The following GPR139 variants were observed in gnomAD, a reference collection of about 807,000 sequenced individuals.
The protein encoded by GPR139 is probable G protein-coupled receptor 139.
In GPR139, 12 loss-of-function variants were observed where a neutral mutation model predicts 25.8. That is an observed-to-expected ratio of 0.47 (90% CI 0.30 to 0.75). GPR139 has a LOEUF of 0.75. GPR139 is among the 30% of genes least tolerant of loss of function. The pLI, the probability that GPR139 is intolerant of heterozygous loss-of-function variation, is 0.07. For missense variants in GPR139, 380 were observed against 450.2 expected (o/e 0.84, Z 1.41); for synonymous variants, 184 against 179.9 (o/e 1.02, Z -0.18).
At position 20,032,374 on chromosome 16, in the gene GPR139, G is replaced by A. The variant is rs1346294898; in HGVS notation, c.423C>T (p.Tyr141=). The A allele has an allele frequency of 3.7e-6, 6 of 1,614,198 alleles. No homozygotes were observed. The highest frequency in any genetic ancestry group is 1.7e-6 in the Non-Finnish European group (2 of 1,180,034). Residue 141 remains tyrosine (Y), a synonymous_variant, in exon 2 of 2, where the codon TAC becomes TAT. Coordinates refer to ENST00000570682, the MANE Select transcript of GPR139 (RefSeq NM_001002911.4). ...CAATGACTTTCCGGGTGCGGGCTGG[G>A]TATGAGACCGTGTGGTACTTGAGCG... ...CHPLKYHTVS[Y]PARTRKVIVS...
intron 1 of GPR139, among the ~76,000 whole-genome samples, chr16:20,059,264 G>T (rs1193167572): frequency 6.6e-6 from 1 of 152,086 alleles, no homozygotes; most frequent in African/African-American, 2.4e-5. Context: ...CCCTTCAAAG[G>T]GCTCCTGTGC....
intron 1 of GPR139, among the ~76,000 whole-genome samples, chr16:20,047,355 C>A (rs375717725): frequency 6.6e-6 from 1 of 152,158 alleles, no homozygotes; most frequent in South Asian, 2.1e-4. Flanking sequence ...GGAGGCCTGA[C>A]CTGGCCTCCC....
rs1431919288 is a variant in GPR139 at position 20,028,487 on chromosome 16, C to T, written c.*3248G>A. ...CTAATTAAGAAAATATGAACATTTG[C>T]TTTTTTTCTATGGTAACTTTCTATT... is the stretch of plus-strand genomic sequence containing the variant. On this transcript the variant is annotated 3_prime_UTR_variant, in exon 2 of 2. Coordinates refer to ENST00000570682, the MANE Select transcript of GPR139 (RefSeq NM_001002911.4). Among the ~76,000 whole-genome samples, 3 of 152,046 alleles carry T rather than the reference C, an allele frequency of 2.0e-5. No individual in the cohort carries two copies. Among genetic ancestry groups the T allele is most frequent in the Non-Finnish European group, 4.4e-5 (3 of 68,006 alleles).
chr16:20,039,244 G>A (rs959109187), intron 1 of GPR139, among the ~76,000 whole-genome samples: 4 of 152,194 alleles, frequency 2.6e-5, no homozygotes, highest in Admixed American at 6.5e-5. Flanking sequence ...GAACAACACA[G>A]GTTTTGTTGT....
chr16:20,051,677 G>A lies in GPR139; in HGVS notation c.128-19008C>T, dbSNP rs191934276. On this transcript the variant is annotated intron_variant, in intron 1 of 1. Transcript: ENST00000570682. ...TGGAAATGGAAATGGTTTTATGTTT[G>A]GGAACTTCTAAAAACCCACCTCTGC... Among the ~76,000 whole-genome samples the A allele has an allele frequency of 1.0e-3, 155 of 152,298 alleles. 1 individual carries two copies. In the South Asian group the frequency reaches 0.015, roughly 15 times the overall value.
chr16:20,046,470 CGTGTAT>C (rs1480097370), intron 1 of GPR139, among the ~76,000 whole-genome samples: 1 of 152,114 alleles, frequency 6.6e-6, no homozygotes, highest in African/African-American at 2.4e-5. Context: ...ATGTGCTGAG[CGTGTAT>C]TATGTGCCAT....
Position 20,073,223 on chromosome 16 carries a change from G to A in GPR139, c.127+267C>T, listed in dbSNP as rs1304504208. Among the ~76,000 whole-genome samples the A allele has an allele frequency of 6.7e-6, 1 of 150,076 alleles. No homozygotes were observed. The highest frequency in any genetic ancestry group is 2.5e-5 in the African/African-American group (1 of 40,532). On this transcript the variant is annotated intron_variant, in intron 1 of 1. Transcript: ENST00000570682. The surrounding 1 kb of genome is among the most constrained non-coding windows in gnomAD (Gnocchi z 4.7). The stretch of plus-strand genomic sequence containing the variant: ...TGCACCTTCGAATCCATGCTCACAT[G>A]CCCAGCCCATCGCCCGCCGTCACAG...
intron 1 of GPR139, among the ~76,000 whole-genome samples, chr16:20,033,012 C>A (rs1206575302): frequency 6.6e-6 from 1 of 151,226 alleles, no homozygotes; most frequent in East Asian, 2.0e-4. Context: ...ATTCTCCTCA[C>A]ACAACAATGA....
In GPR139 at chr16:20,038,325, A is replaced by ATGTGTGTGTGTG. The variant is rs748458775; in HGVS notation, c.128-5657_128-5656insCACACACACACA. On this transcript the variant is annotated intron_variant, in intron 1 of 1. Transcript: ENST00000570682. ...ACAGGTTTAAGTTCCTGGATAATAT[A>ATGTGTGTGTGTG]TATATGTGTGTGTGTGTGTGTGTGT... Among the ~76,000 whole-genome samples, 6 of 48,856 alleles carry ATGTGTGTGTGTG rather than the reference A, an allele frequency of 1.2e-4. No homozygotes were observed. In the East Asian group the frequency reaches 3.2e-3, roughly 26 times the overall value. The allele number at this position is 48,856 out of a possible 152,430, so 32.1% of individuals were successfully genotyped here.
chr16:20,070,749 C>T (rs2057456808), intron 1 of GPR139, among the ~76,000 whole-genome samples: 1 of 152,234 alleles, frequency 6.6e-6, no homozygotes, highest in East Asian at 1.9e-4. Flanking sequence ...CAATTAAAAT[C>T]TCAGTTTTCA....
chr16:20,060,529 G>A (rs1038619990), intron 1 of GPR139, among the ~76,000 whole-genome samples: 3 of 152,042 alleles, frequency 2.0e-5, no homozygotes, highest in Admixed American at 6.6e-5. Context: ...GAGGCTGATC[G>A]CTTGCTTTGC....
intron 1 of GPR139, among the ~76,000 whole-genome samples, chr16:20,032,895 T>A (rs575154687): frequency 2.2e-4 from 34 of 151,804 alleles, no homozygotes; most frequent in Non-Finnish European, 3.4e-4. Flanking sequence ...AGGTGGTGCC[T>A]CCATTCTCCT....
chr16:20,054,424 T>C (rs941034262), intron 1 of GPR139, among the ~76,000 whole-genome samples: 16 of 140,554 alleles, frequency 1.1e-4, no homozygotes, highest in Admixed American at 2.9e-4. Context: ...TTTTTTTTTT[T>C]CCAGACAATA....
At chr16:20,067,507 T>G (rs1734358647) in intron 1 of GPR139, among the ~76,000 whole-genome samples, 1 of 152,158 alleles carries the variant, frequency 6.6e-6, no homozygotes, top group Non-Finnish European at 1.5e-5. Flanking sequence ...TAGAGACTAT[T>G]CAGAATTGGA....
At chr16:20,051,895 C>T (rs2057373529) in intron 1 of GPR139, among the ~76,000 whole-genome samples, 1 of 152,194 alleles carries the variant, frequency 6.6e-6, no homozygotes, top group South Asian at 2.1e-4. Context: ...GGCGCTGGAT[C>T]CAGAGCTGAT....
chr16:20,070,285 G>A (rs2057455302), intron 1 of GPR139, among the ~76,000 whole-genome samples: 1 of 152,232 alleles, frequency 6.6e-6, no homozygotes, highest in South Asian at 2.1e-4. Context: ...CAGAGATCCA[G>A]TGTGGAGAAG....
At chr16:20,038,027 A>AT (rs35022647) in intron 1 of GPR139, among the ~76,000 whole-genome samples, 26,674 of 148,728 alleles carry the variant, frequency 0.18, 2,894 homozygotes, top group East Asian at 0.35. Flanking sequence ...CACCCAGCTA[A>AT]TTTTTTTTTT....
At chr16:20,062,522 G>A (rs1005431643) in intron 1 of GPR139, among the ~76,000 whole-genome samples, 1 of 152,136 alleles carries the variant, frequency 6.6e-6, no homozygotes. Flanking sequence ...AATTTCTGTG[G>A]TACATAAGCC....
chr16:20,038,571 A>AT (rs2057319516), intron 1 of GPR139, among the ~76,000 whole-genome samples: 1 of 152,052 alleles, frequency 6.6e-6, no homozygotes, highest in Non-Finnish European at 1.5e-5. Context: ...GTTTCTAGTG[A>AT]TTGCCTCTCT....
Sources: gnomAD v4.1 joint callset for allele counts (sites outside exome capture counted in the v4.1 genomes callset) on GRCh38, gnomAD v4.1.1 for gene constraint, Gnocchi (gnomAD v3.1) non-coding constraint, MANE v1.5 for transcripts, NCBI Gene and HGNC (gene_info 2026-07-23, HGNC 2026-07-21) for gene names.